Variants in TRDN observed in about 807,000 individuals in gnomAD.
TRDN encodes the protein triadin, also known as triadin in skeletal muscle.
In TRDN, 161 loss-of-function variants were observed where a neutral mutation model predicts 149.7. That is an observed-to-expected ratio of 1.08 (90% CI 0.95 to 1.23). TRDN has a LOEUF of 1.23. Among genes scored for constraint, TRDN ranks in the 50% most tolerant of loss-of-function variants. TRDN has a pLI of 0.00. For synonymous variants in TRDN, 294 were observed against 250.5 expected (o/e 1.17, Z -1.64); for missense variants, 896 against 823.5 (o/e 1.09, Z -1.08).
chr6:123,439,827 T>C (rs1004200274), intron 10 of TRDN: 2 of 152,244 alleles, frequency 1.3e-5, no homozygotes, highest in Non-Finnish European at 2.9e-5. Context: ...TACATAGTTG[T>C]TGAAATTGAA....
chr6:123,382,801 T>C (rs960170828), intron 14 of TRDN, among the ~76,000 whole-genome samples: 7 of 152,090 alleles, frequency 4.6e-5, no homozygotes, highest in African/African-American at 1.7e-4. Context: ...ATCTGATAAA[T>C]TTATTATTTT....
chr6:123,529,567 G>A, intron 5 of TRDN: 1 of 508,122 alleles, frequency 2.0e-6, no homozygotes, highest in Non-Finnish European at 3.6e-6. Context: ...AAATTCACGT[G>A]CTAGTATAAT....
At chr6:123,572,962 G>A (rs1344772077) in intron 1 of TRDN, among the ~76,000 whole-genome samples, 1 of 152,042 alleles carries the variant, frequency 6.6e-6, no homozygotes, top group African/African-American at 2.4e-5. Context: ...CTTTTAGAAT[G>A]TGTCCAATAA....
rs1781950791 is a variant in TRDN at position 123,560,805 on chromosome 6, T to C, written c.232+10118A>G. Among the ~76,000 whole-genome samples, 3 of 152,170 alleles carry C rather than the reference T, an allele frequency of 2.0e-5. No homozygotes were observed. The South Asian group carries it at 6.2e-4, about 32-fold the overall frequency. ...CCAGCCTCACAGGCCCATTCTATTC[T>C]GTCATCATTTCATAACCTCTTCCAT... On this transcript the variant is annotated intron_variant, in intron 2 of 40. Coordinates refer to ENST00000334268, the MANE Select transcript of TRDN (RefSeq NM_006073.4).
intron 7 of TRDN, among the ~76,000 whole-genome samples, chr6:123,506,048 T>C (rs952429848): frequency 3.9e-5 from 6 of 152,218 alleles, no homozygotes; most frequent in African/African-American, 1.4e-4. Context: ...CCAGCAGCTT[T>C]CTGCGGATGA....
chr6:123,466,087 T>A (rs1258278154), intron 9 of TRDN, among the ~76,000 whole-genome samples: 1 of 152,206 alleles, frequency 6.6e-6, no homozygotes, highest in East Asian at 1.9e-4. Context: ...TTTAAGTATG[T>A]ATAGAAGCCA....
At chr6:123,231,468 T>C (rs1157727896) in intron 38 of TRDN, among the ~76,000 whole-genome samples, 2 of 151,996 alleles carry the variant, frequency 1.3e-5, no homozygotes, top group Non-Finnish European at 2.9e-5. Flanking sequence ...GGATCAAATC[T>C]AGGAGGCAGC....
chr6:123,550,744 G>A (rs1018861815), intron 2 of TRDN, among the ~76,000 whole-genome samples: 6 of 152,062 alleles, frequency 3.9e-5, no homozygotes, highest in East Asian at 3.9e-4. Flanking sequence ...TGAGGGATTC[G>A]TGGAGCACAC....
chr6:123,584,937 G>C (rs1264471050), intron 1 of TRDN, among the ~76,000 whole-genome samples: 2 of 152,138 alleles, frequency 1.3e-5, no homozygotes, highest in Non-Finnish European at 2.9e-5. Context: ...AGGTAAAATG[G>C]GGGAATTGTA....
chr6:123,447,353 G>A lies in TRDN; in HGVS notation c.932-8350C>T, dbSNP rs79831744. Among the ~76,000 whole-genome samples the A allele has an allele frequency of 9.4e-3, 1,438 of 152,292 alleles. 20 individuals carry two copies. Among genetic ancestry groups the A allele is most frequent in the African/African-American group, 0.033 (1,388 of 41,544 alleles). On this transcript the variant is annotated intron_variant, in intron 10 of 40. Coordinates refer to ENST00000334268, the MANE Select transcript of TRDN (RefSeq NM_006073.4). ...ACCTCCTTCCAGTAATACTAGGTGT[G>A]ACAGCAGTAAGTAAGAAAGTTCATA...
At chr6:123,410,157 T>G (rs938947260) in intron 12 of TRDN, among the ~76,000 whole-genome samples, 1 of 152,202 alleles carries the variant, frequency 6.6e-6, no homozygotes, top group African/African-American at 2.4e-5. Flanking sequence ...AAATCATTGA[T>G]GCAGAATATT....
chr6:123,351,111 G>A (rs1271646906), intron 21 of TRDN: 40 of 984,860 alleles, frequency 4.1e-5, no homozygotes, highest in Non-Finnish European at 4.8e-5. Flanking sequence ...AATATCATGA[G>A]TAATCAGCAC....
chr6:123,345,601 G>T lies in TRDN; in HGVS notation c.1369+6938C>A, dbSNP rs932702842. ...TTTGTCAATAGCCACAAGATAACTTGCTAGAATTGTTTTTGGAATTGTGTT... is the reference window on the plus strand; with the variant it reads ...TTTGTCAATAGCCACAAGATAACTTTCTAGAATTGTTTTTGGAATTGTGTT... On this transcript the variant is annotated intron_variant, in intron 21 of 40. Coordinates refer to ENST00000334268, the MANE Select transcript of TRDN (RefSeq NM_006073.4). Among the ~76,000 whole-genome samples the T allele has an allele frequency of 2.0e-5, 3 of 151,960 alleles. No individual in the cohort carries two copies. In the East Asian group the frequency reaches 5.8e-4, roughly 29 times the overall value.
chr6:123,559,352 C>G (rs1012374630), intron 2 of TRDN, among the ~76,000 whole-genome samples: 4 of 152,162 alleles, frequency 2.6e-5, no homozygotes, highest in Non-Finnish European at 5.9e-5. Context: ...TTTAAGCACT[C>G]CTTTTAATTA....
At chr6:123,357,241 T>C (rs1227424903) in intron 20 of TRDN, among the ~76,000 whole-genome samples, 2 of 152,028 alleles carry the variant, frequency 1.3e-5, no homozygotes, top group East Asian at 1.9e-4. Context: ...TTAATTAATA[T>C]AGACTTGTTT....
At chr6:123,510,130 T>A (rs1779106537) in intron 7 of TRDN, 1 of 152,074 alleles carries the variant, frequency 6.6e-6, no homozygotes, top group African/African-American at 2.4e-5. Flanking sequence ...AGAAACAAAA[T>A]AAAATTACAT....
At chr6:123,271,108 CAT>C in intron 30 of TRDN, 29 bp downstream of exon 30, 1 of 1,398,272 alleles carries the variant, frequency 7.2e-7, no homozygotes, top group South Asian at 1.3e-5. Flanking sequence ...TATAATGAGA[CAT>C]AGAAAAAAAT....
At chr6:123,366,658 C>T (rs576625600) in intron 19 of TRDN, among the ~76,000 whole-genome samples, 3 of 152,150 alleles carry the variant, frequency 2.0e-5, no homozygotes, top group African/African-American at 4.8e-5. Context: ...GCTGGGACTA[C>T]AACCGCCCGC....
chr6:123,547,068 C>G (rs906545332), intron 4 of TRDN, among the ~76,000 whole-genome samples: 2 of 152,092 alleles, frequency 1.3e-5, no homozygotes, highest in Non-Finnish European at 2.9e-5. Context: ...GAATTCTCCC[C>G]TCATTCCTCA....
Sources: gnomAD v4.1 joint callset for allele counts (sites outside exome capture counted in the v4.1 genomes callset) on GRCh38, gnomAD v4.1.1 for gene constraint, MANE v1.5 for transcripts, NCBI Gene and HGNC (gene_info 2026-07-23, HGNC 2026-07-21) for gene names.